TMOD1: variants seen among roughly 807,000 people sequenced by gnomAD.
The protein encoded by TMOD1 is tropomodulin-1.
Under a neutral mutation model 40.6 loss-of-function variants are expected in TMOD1, and 17 were observed. That is an observed-to-expected ratio of 0.42 (90% CI 0.29 to 0.63). The LOEUF (loss-of-function observed/expected upper bound fraction) is 0.63. TMOD1 is among the 20% of genes least tolerant of loss of function. The pLI is 0.22. For missense variants in TMOD1, 391 were observed against 447.6 expected (o/e 0.87, Z 1.14); for synonymous variants, 181 against 175.0 (o/e 1.03, Z -0.27).
chr9:97,585,430 C>A (rs923828489), intron 8 of TMOD1, among the ~76,000 whole-genome samples: 1 of 142,052 alleles, frequency 7.0e-6, no homozygotes, highest in Admixed American at 7.1e-5. Flanking sequence ...CTCTGGCTGC[C>A]CTTAACATTT....
chr9:97,578,507 A>C (rs564903477), intron 8 of TMOD1, among the ~76,000 whole-genome samples: 1 of 152,298 alleles, frequency 6.6e-6, no homozygotes, highest in Admixed American at 6.5e-5. Context: ...ACATGCCCAG[A>C]CACATCTGTG....
intron 2 of TMOD1, 43 bp from the exon 3 acceptor site, chr9:97,546,142 C>T: frequency 3.2e-6 from 5 of 1,565,710 alleles, no homozygotes; most frequent in Non-Finnish European, 4.3e-6. Context: ...CTTTCTCTCT[C>T]TCTCTTTCTC....
At chr9:97,595,800 C>G (rs532840059) in intron 9 of TMOD1, among the ~76,000 whole-genome samples, 4 of 152,064 alleles carry the variant, frequency 2.6e-5, no homozygotes, top group Admixed American at 6.5e-5. Flanking sequence ...CAGCCAGGTA[C>G]GGTGGCTCAC....
chr9:97,566,396 C>T (rs867318428), intron 7 of TMOD1, among the ~76,000 whole-genome samples: 8 of 152,228 alleles, frequency 5.3e-5, no homozygotes, highest in Admixed American at 2.0e-4. Context: ...TTTGGTTGGG[C>T]GCAGTGGCTC....
intron 7 of TMOD1, among the ~76,000 whole-genome samples, chr9:97,566,499 C>T (rs946129211): frequency 2.6e-5 from 4 of 151,838 alleles, no homozygotes; most frequent in Non-Finnish European, 5.9e-5. Context: ...GGTGAAACCC[C>T]GTCTCTACTA....
intron 4 of TMOD1, 73 bp downstream of exon 4, chr9:97,553,473 G>C: frequency 6.3e-7 from 1 of 1,586,850 alleles, no homozygotes; most frequent in Non-Finnish European, 8.6e-7. Flanking sequence ...GCCTTGTAGG[G>C]CTCATTTCAG....
intron 1 of TMOD1, 30 bp from the exon 2 acceptor site, chr9:97,524,111 G>T: frequency 6.6e-7 from 1 of 1,516,060 alleles, no homozygotes. Flanking sequence ...TCTGAGACGG[G>T]TCTTTCTAAG....
At chr9:97,591,989 AATT>A (rs10542307) in intron 9 of TMOD1, among the ~76,000 whole-genome samples, 26,539 of 152,042 alleles carry the variant, frequency 0.17, 2,433 homozygotes, top group African/African-American at 0.2. Context: ...TAAAAGGAAA[AATT>A]ATTATGAAGG....
intron 2 of TMOD1, among the ~76,000 whole-genome samples, 183 bp downstream of exon 2, chr9:97,524,491 C>G (rs1311996727): frequency 9.4e-6 from 1 of 105,976 alleles, no homozygotes; most frequent in African/African-American, 4.4e-5. Flanking sequence ...AAGAGAGAAC[C>G]AATAGGGTGT....
intron 2 of TMOD1, among the ~76,000 whole-genome samples, chr9:97,531,952 G>A (rs1031936077): frequency 2.6e-5 from 4 of 152,098 alleles, no homozygotes; most frequent in African/African-American, 7.2e-5. Flanking sequence ...GAGCCAAGGC[G>A]CCCACCTGGT....
intron 1 of TMOD1, among the ~76,000 whole-genome samples, chr9:97,510,285 CA>C (rs1311633615): frequency 1.3e-5 from 2 of 151,776 alleles, no homozygotes; most frequent in Non-Finnish European, 2.9e-5. Context: ...GGCAAGAGTA[CA>C]GTGACACAGT....
chr9:97,577,804 A>G (rs1825644003), intron 8 of TMOD1, among the ~76,000 whole-genome samples: 1 of 152,206 alleles, frequency 6.6e-6, no homozygotes, highest in Non-Finnish European at 1.5e-5. Context: ...AATGAAAATA[A>G]CGATAGTAGT....
chr9:97,550,389 A>G (rs1186556444), intron 3 of TMOD1, among the ~76,000 whole-genome samples: 1 of 152,192 alleles, frequency 6.6e-6, no homozygotes, highest in Non-Finnish European at 1.5e-5. Flanking sequence ...GTATATACCT[A>G]TGGGTGGAAT....
At chr9:97,564,758 G>A (rs531175209) in intron 6 of TMOD1, among the ~76,000 whole-genome samples, 3 of 152,188 alleles carry the variant, frequency 2.0e-5, no homozygotes, top group African/African-American at 7.2e-5. Context: ...AGGTGGACAG[G>A]CAGTCTCACC....
intron 8 of TMOD1, among the ~76,000 whole-genome samples, chr9:97,586,193 T>A (rs958073382): frequency 6.6e-4 from 101 of 152,204 alleles, no homozygotes; most frequent in African/African-American, 2.4e-3. Flanking sequence ...GGTGTGGATG[T>A]CCTTTCTGTT....
chr9:97,581,150 C>G lies in TMOD1; in HGVS notation c.871-10141C>G, dbSNP rs201069876. Among the ~76,000 whole-genome samples the G allele has an allele frequency of 0.013, 1,505 of 119,466 alleles. 80 individuals carry two copies. In the East Asian group the frequency reaches 0.14, roughly 11 times the overall value. 78.4% of individuals were successfully genotyped at this position (119,466 alleles called of 152,430 possible). A position where few individuals can be genotyped will look rare whatever the true frequency, so the allele number is the denominator to read the frequency against. On this transcript the variant is annotated intron_variant, in intron 8 of 9. Coordinates refer to ENST00000259365, the MANE Select transcript of TMOD1 (RefSeq NM_003275.4). ...CCGATGCTATCCCGCCCCCCTCCCCCCACCCCACAACAGTCCCCAGAGTGT... is the reference window on the plus strand; with the variant it reads ...CCGATGCTATCCCGCCCCCCTCCCCGCACCCCACAACAGTCCCCAGAGTGT...
At position 97,584,176 on chromosome 9, in the gene TMOD1, C is replaced by G. The variant is rs148723158; in HGVS notation, c.871-7115C>G. 3.3e-5 allele frequency among the ~76,000 whole-genome samples: 5 copies of G among 151,844 alleles called. No individual in the cohort carries two copies. The South Asian group carries it at 6.2e-4, about 19-fold the overall frequency. On this transcript the variant is annotated intron_variant, in intron 8 of 9. Coordinates refer to ENST00000259365, the MANE Select transcript of TMOD1 (RefSeq NM_003275.4). Reference sequence around the variant, plus strand: ...TTCCCTCTACACACTGCTTTGAATGCGTCCCAGAGATTCTGGTATCTTGTG... The same window carrying G: ...TTCCCTCTACACACTGCTTTGAATGGGTCCCAGAGATTCTGGTATCTTGTG...
At chr9:97,590,518 G>T (rs529664341) in intron 8 of TMOD1, among the ~76,000 whole-genome samples, 103 of 152,116 alleles carry the variant, frequency 6.8e-4, no homozygotes, top group Non-Finnish European at 1.3e-3. Context: ...GAGCCACCAC[G>T]CCTGGCCTCT....
At chr9:97,525,664 G>C (rs1017226320) in intron 2 of TMOD1, among the ~76,000 whole-genome samples, 1 of 152,208 alleles carries the variant, frequency 6.6e-6, no homozygotes, top group Non-Finnish European at 1.5e-5. Flanking sequence ...CGCCCTAAGG[G>C]CTCTCCTGTA....
Sources: allele counts gnomAD v4.1 joint callset (sites outside exome capture counted in the v4.1 genomes callset), GRCh38; gene constraint gnomAD v4.1.1; transcripts MANE v1.5; gene names NCBI Gene and HGNC (gene_info 2026-07-23, HGNC 2026-07-21).